The following MTRFR variants were observed in gnomAD, a reference collection of about 807,000 sequenced individuals.
MTRFR encodes the protein mitochondrial translation release factor in rescue.
In MTRFR, 10 loss-of-function variants were observed where a neutral mutation model predicts 11.9. The observed-to-expected ratio is 0.84, with a 90% CI of 0.52 to 1.42. The LOEUF is 1.42. MTRFR is among the 40% of genes most tolerant of loss of function. MTRFR has a pLI of 0.00. For synonymous variants in MTRFR, 77 were observed against 79.1 expected (o/e 0.97, Z 0.14); for missense variants, 196 against 197.9 (o/e 0.99, Z 0.06).
At chr12:123,240,306 G>A (rs895220277) in intron 1 of MTRFR, among the ~76,000 whole-genome samples, 4 of 151,738 alleles carry the variant, frequency 2.6e-5, no homozygotes, top group African/African-American at 4.8e-5. Flanking sequence ...CCCGGGAGGC[G>A]GAGGTTGCAG....
At chr12:123,234,137 T>A (rs898834601) in intron 1 of MTRFR, among the ~76,000 whole-genome samples, 2 of 152,096 alleles carry the variant, frequency 1.3e-5, no homozygotes, top group Non-Finnish European at 2.9e-5. Context: ...CTCCTCCCCG[T>A]GGGACCCCAG....
rs76753169 is a variant in MTRFR at position 123,256,359 on chromosome 12, T to A, written c.283-454T>A. ...TAAAACAATCACACTGAAAGCCACA[T>A]AATACAGCAAGGGTATGGGACACAG... On this transcript the variant is annotated intron_variant, in intron 2 of 2. Transcript: ENST00000253233. Among the ~76,000 whole-genome samples the A allele has an allele frequency of 3.6e-3, 546 of 152,306 alleles. 5 individuals are homozygous for A. The South Asian group carries it at 0.041, about 11-fold the overall frequency.
Position 123,256,932 on chromosome 12 carries a change from G to A in MTRFR, c.402G>A (p.Ala134=), listed in dbSNP as rs746725249. ...NSPVHKEKRE[A]AKKKQERKKR... is the part of the protein sequence containing the mutation. ...CTGTTCACAAAGAAAAACGAGAAGC[G>A]GCGAAGAAAAAACAAGAAAGGAAAA... The change falls in exon 3 of 3, where the codon GCG becomes GCA. Residue 134 remains alanine (A), a synonymous_variant. Coordinates refer to ENST00000253233, the MANE Select transcript of MTRFR (RefSeq NM_152269.5). 13 of 1,613,408 alleles carry A rather than the reference G, an allele frequency of 8.1e-6. No individual in the cohort carries two copies. Among genetic ancestry groups the A allele is most frequent in the Middle Eastern group, 1.6e-4 (1 of 6,062 alleles).
chr12:123,242,689 C>T (rs1381785239), intron 1 of MTRFR, among the ~76,000 whole-genome samples: 2 of 152,232 alleles, frequency 1.3e-5, no homozygotes, highest in Non-Finnish European at 2.9e-5. Context: ...GTGTGTCTGG[C>T]AGCTCTGAAC....
chr12:123,256,482 G>A (rs570723868), intron 2 of MTRFR, among the ~76,000 whole-genome samples: 11 of 152,266 alleles, frequency 7.2e-5, no homozygotes, highest in African/African-American at 2.4e-4. Flanking sequence ...TCTATAAAGC[G>A]AACAGGTTGT....
chr12:123,246,475 C>T (rs1380294598), intron 1 of MTRFR, among the ~76,000 whole-genome samples: 2 of 147,492 alleles, frequency 1.4e-5, no homozygotes, highest in African/African-American at 4.9e-5. Context: ...TGTTTTGAAA[C>T]GGAGTTTTGT....
intron 1 of MTRFR, among the ~76,000 whole-genome samples, chr12:123,242,351 A>G (rs576961703): frequency 1.3e-5 from 2 of 152,268 alleles, no homozygotes; most frequent in Admixed American, 1.3e-4. Flanking sequence ...TCCTCTTACT[A>G]GCACTTCTCT....
chr12:123,237,522 TAAGCATTC>T (rs1180398878), intron 1 of MTRFR, among the ~76,000 whole-genome samples: 2 of 152,210 alleles, frequency 1.3e-5, no homozygotes, highest in Non-Finnish European at 2.9e-5. Flanking sequence ...TCTGCAGCAT[TAAGCATTC>T]AAGCATTAAG....
intron 1 of MTRFR, chr12:123,240,669 A>G (rs1005028053): frequency 1.3e-5 from 2 of 150,550 alleles, no homozygotes; most frequent in Admixed American, 6.6e-5. Context: ...AGGCAGGTCC[A>G]GAGATTGACA....
Position 123,254,120 on chromosome 12 carries a change from ATCCCTGAGCCATTCC to A in MTRFR, c.282+170_282+184del, listed in dbSNP as rs1396269872. ...TAGAGAGCACCGCAGATCTCGTCCC[ATCCCTGAGCCATTCC>A]TCCCTAAGGCAGAACCTCCTACAAC... On this transcript the variant is annotated intron_variant, in intron 2 of 2. Coordinates refer to ENST00000253233, the MANE Select transcript of MTRFR (RefSeq NM_152269.5). 78 of 787,708 alleles carry A rather than the reference ATCCCTGAGCCATTCC, an allele frequency of 9.9e-5. No individual in the cohort carries two copies. The African/African-American group carries it at 1.1e-3, about 11-fold the overall frequency. 48.8% of individuals were successfully genotyped at this position (787,708 alleles called of 1,614,324 possible). A position where few individuals can be genotyped will look rare whatever the true frequency, so the allele number is the denominator to read the frequency against.
At chr12:123,235,785 C>T (rs1019288562) in intron 1 of MTRFR, among the ~76,000 whole-genome samples, 2 of 151,642 alleles carry the variant, frequency 1.3e-5, no homozygotes, top group African/African-American at 2.4e-5. Flanking sequence ...GAAAGTTGGC[C>T]GGGCGTGGTG....
intron 1 of MTRFR, among the ~76,000 whole-genome samples, chr12:123,244,655 C>CAA (rs1385131754): frequency 6.6e-6 from 1 of 152,050 alleles, no homozygotes; most frequent in African/African-American, 2.4e-5. Flanking sequence ...TTTTTTGAGA[C>CAA]AGAGTCTCGC....
chr12:123,248,086 TTC>T (rs2138778394), intron 1 of MTRFR, among the ~76,000 whole-genome samples: 1 of 152,164 alleles, frequency 6.6e-6, no homozygotes, highest in East Asian at 1.9e-4. Flanking sequence ...TTTAAAGAGG[TTC>T]TGTTTTGATG....
At chr12:123,249,530 G>C (rs1426206999) in intron 1 of MTRFR, 1 of 153,202 alleles carries the variant, frequency 6.5e-6, no homozygotes, top group African/African-American at 2.4e-5. Flanking sequence ...AGTGCTGGGG[G>C]ACCCGGCACA....
intron 1 of MTRFR, chr12:123,252,054 C>A (rs1037631783): frequency 6.6e-6 from 1 of 152,226 alleles, no homozygotes; most frequent in Admixed American, 6.6e-5. Context: ...CTTTTAATAT[C>A]TTCTCTAACT....
intron 1 of MTRFR, among the ~76,000 whole-genome samples, chr12:123,239,842 C>A (rs116697945): frequency 2.6e-5 from 4 of 152,082 alleles, no homozygotes; most frequent in Non-Finnish European, 4.4e-5. Flanking sequence ...TAGCTCAAAT[C>A]AGTATTTGTT....
At chr12:123,247,937 T>G (rs1174268684) in intron 1 of MTRFR, among the ~76,000 whole-genome samples, 1 of 151,854 alleles carries the variant, frequency 6.6e-6, no homozygotes, top group Admixed American at 6.6e-5. Context: ...AGAGTGAGAC[T>G]CTGTCTCAAA....
intron 1 of MTRFR, chr12:123,250,696 G>A (rs1388158504): frequency 1.3e-5 from 2 of 152,374 alleles, no homozygotes; most frequent in South Asian, 4.1e-4. Flanking sequence ...GCAGAGTCCT[G>A]TGATGTGAAC....
chr12:123,251,749 A>G (rs2048114506), intron 1 of MTRFR, among the ~76,000 whole-genome samples: 1 of 152,046 alleles, frequency 6.6e-6, no homozygotes, highest in Admixed American at 6.6e-5. Context: ...TCCTCTCAGG[A>G]TTGCTGGTTT....
Sources: allele counts gnomAD v4.1 joint callset (sites outside exome capture counted in the v4.1 genomes callset), GRCh38; gene constraint gnomAD v4.1.1; transcripts MANE v1.5; gene names NCBI Gene and HGNC (gene_info 2026-07-23, HGNC 2026-07-21).